The following NADSYN1 variants were observed in gnomAD, a reference collection of about 807,000 sequenced individuals.
The protein encoded by NADSYN1 is NAD synthetase 1, also known as glutamine-dependent NAD(+) synthetase.
Under a neutral mutation model 99.3 loss-of-function variants are expected in NADSYN1, and 80 were observed. The ratio of observed to expected loss-of-function variants is 0.81; its 90% CI spans 0.67 to 0.97. The LOEUF is 0.97. NADSYN1 is among the 50% of genes least tolerant of loss of function. The probability of loss-of-function intolerance (pLI) is 0.00; values close to 1 mark genes in which losing one functional copy is unlikely to be tolerated. For synonymous variants in NADSYN1, 385 were observed against 372.1 expected, an observed-to-expected ratio of 1.03 and a Z score of -0.40; for missense variants, 859 against 948.5, an observed-to-expected ratio of 0.91 and a Z score of 1.24.
intron 2 of NADSYN1, among the ~76,000 whole-genome samples, chr11:71,458,077 G>T (rs1431827125): frequency 1.3e-5 from 2 of 152,152 alleles, no homozygotes; most frequent in Non-Finnish European, 2.9e-5. Flanking sequence ...GATTTCTGTG[G>T]GTCCAGCTTT....
chr11:71,463,965 C>A, intron 4 of NADSYN1, 88 bp from the exon 5 acceptor site: 2 of 1,095,364 alleles, frequency 1.8e-6, no homozygotes, highest in Non-Finnish European at 2.7e-6. Context: ...TGCATGGCAT[C>A]ACCTCGTCAC....
At chr11:71,497,662 C>G (rs1237707857) in intron 19 of NADSYN1, 51 bp downstream of exon 19, 1 of 1,611,508 alleles carries the variant, frequency 6.2e-7, no homozygotes, top group African/African-American at 1.3e-5. Flanking sequence ...GTAATGTCCC[C>G]TTTGCAGAGG....
In NADSYN1 at chr11:71,497,628, G is replaced by C. The variant is rs373347876; in HGVS notation, c.1893+17G>C. On this transcript the variant is annotated intron_variant, in intron 19 of 20. Coordinates refer to ENST00000319023, the MANE Select transcript of NADSYN1 (RefSeq NM_018161.5). ...CCGAGACAGGTAAAGCCTGTGAGAC[G>C]CATCACAGAGGGAGGCCAGTTAGGT... is the stretch of plus-strand genomic sequence containing the variant. The C allele has an allele frequency of 6.2e-7, 1 of 1,613,716 alleles. No homozygotes were observed. Among genetic ancestry groups the C allele is most frequent in the Admixed American group, 1.7e-5 (1 of 60,008 alleles).
intron 14 of NADSYN1, among the ~76,000 whole-genome samples, chr11:71,483,517 TTC>T (rs2120481552): frequency 6.6e-6 from 1 of 152,264 alleles, no homozygotes; most frequent in East Asian, 1.9e-4. Flanking sequence ...CCACGGGCAG[TTC>T]TCTATGTGAG....
Position 71,491,915 on chromosome 11 carries a change from G to A in NADSYN1, c.1764+12G>A, listed in dbSNP as rs765545151. The A allele has an allele frequency of 2.5e-6, 4 of 1,612,860 alleles. No homozygotes were observed. The South Asian group carries it at 4.4e-5, about 18-fold the overall frequency. On this transcript the variant is annotated intron_variant, in intron 18 of 20. Transcript: ENST00000319023. The stretch of plus-strand genomic sequence containing the variant: ...CCCAGACCGACGAGGTAATGGCGGT[G>A]GCTTTGCCATGATGCTTCCTGCCCT...
intron 5 of NADSYN1, among the ~76,000 whole-genome samples, chr11:71,469,859 G>C (rs1387593219): frequency 1.4e-5 from 2 of 141,278 alleles, no homozygotes; most frequent in Non-Finnish European, 3.0e-5. Context: ...CCATGAGGTT[G>C]AGCCTGCAGC....
intron 3 of NADSYN1, among the ~76,000 whole-genome samples, chr11:71,462,744 C>T (rs980162542): frequency 3.9e-5 from 6 of 152,174 alleles, no homozygotes; most frequent in Non-Finnish European, 8.8e-5. Flanking sequence ...CTTTTGCTGT[C>T]GGGTCACACC....
chr11:71,478,048 A>G (rs185707364), intron 9 of NADSYN1, among the ~76,000 whole-genome samples: 12 of 151,396 alleles, frequency 7.9e-5, no homozygotes, highest in Non-Finnish European at 7.4e-5. Flanking sequence ...TCTTACTGAC[A>G]TGGGGGTGTC....
At chr11:71,491,754 A>G in intron 17 of NADSYN1, 80 bp from the exon 18 acceptor site, 3 of 1,356,312 alleles carry the variant, frequency 2.2e-6, no homozygotes, top group Non-Finnish European at 3.1e-6. Context: ...TACTCGGGAA[A>G]CTTAGTCTGG....
chr11:71,464,272 G>A, intron 5 of NADSYN1, 130 bp downstream of exon 5: 4 of 712,212 alleles, frequency 5.6e-6, no homozygotes, highest in Non-Finnish European at 9.0e-6. Flanking sequence ...ACAAAGAATG[G>A]GACAAAAAGC....
intron 18 of NADSYN1, 92 bp downstream of exon 18, chr11:71,491,995 AG>A: frequency 8.2e-7 from 1 of 1,221,112 alleles, no homozygotes; most frequent in Non-Finnish European, 1.2e-6. Context: ...TCCTGACCCC[AG>A]GACAGCTGCA....
chr11:71,481,084 T>A, intron 11 of NADSYN1: 1 of 712,832 alleles, frequency 1.4e-6, no homozygotes, highest in East Asian at 2.7e-5. Context: ...TGCTTCCCCG[T>A]GCTGTGACCT....
At chr11:71,484,026 G>A (rs1029483964) in intron 14 of NADSYN1, among the ~76,000 whole-genome samples, 4 of 152,190 alleles carry the variant, frequency 2.6e-5, no homozygotes, top group African/African-American at 9.7e-5. Context: ...GAGAGAGGGT[G>A]TCTGTCACTC....
chr11:71,491,594 T>G (rs987266832), intron 17 of NADSYN1, among the ~76,000 whole-genome samples: 10 of 152,188 alleles, frequency 6.6e-5, no homozygotes, highest in African/African-American at 2.4e-4. Context: ...CCCTTCACTG[T>G]GCCTCCATCT....
chr11:71,495,900 T>C (rs981404797), intron 18 of NADSYN1, among the ~76,000 whole-genome samples: 2 of 152,172 alleles, frequency 1.3e-5, no homozygotes, highest in Non-Finnish European at 2.9e-5. Flanking sequence ...TCTTGAACAA[T>C]GGAAAGGGCC....
intron 3 of NADSYN1, 70 bp downstream of exon 3, chr11:71,458,614 A>T: frequency 9.5e-7 from 1 of 1,053,374 alleles, no homozygotes; most frequent in African/African-American, 1.5e-5. Context: ...GACCCACCCA[A>T]CCGGCCTCCA....
intron 5 of NADSYN1, among the ~76,000 whole-genome samples, chr11:71,469,946 A>AAAAAAAAAAATG (rs1565598908): frequency 7.5e-6 from 1 of 134,182 alleles, no homozygotes; most frequent in African/African-American, 2.7e-5. Context: ...AAAAAAAAAG[A>AAAAAAAAAAATG]CGTGTGTTAG....
At chr11:71,498,778 A>G (rs955882220) in intron 20 of NADSYN1, 3 of 373,802 alleles carry the variant, frequency 8.0e-6, no homozygotes, top group African/African-American at 6.2e-5. Flanking sequence ...TGGAATGGCT[A>G]AGTCAAGCTA....
chr11:71,493,260 G>A lies in NADSYN1; in HGVS notation c.1764+1357G>A, dbSNP rs180791638. ...TAAGGTTGCACTTCTTTTGCCAAAT[G>A]TATTTCAAAATATTTTATTGTTTTT... On this transcript the variant is annotated intron_variant, in intron 18 of 20. Transcript: ENST00000319023. Among the ~76,000 whole-genome samples the A allele has an allele frequency of 2.0e-3, 298 of 152,216 alleles. 3 individuals carry two copies. Among genetic ancestry groups the A allele is most frequent in the Admixed American group, 6.2e-3 (94 of 15,280 alleles).
Sources: gnomAD v4.1 joint callset for allele counts (sites outside exome capture counted in the v4.1 genomes callset) on GRCh38, gnomAD v4.1.1 for gene constraint, MANE v1.5 for transcripts, NCBI Gene and HGNC (gene_info 2026-07-23, HGNC 2026-07-21) for gene names.